The following PTPN5 variants were observed in gnomAD, a reference collection of about 807,000 sequenced individuals.
The protein encoded by PTPN5 is protein tyrosine phosphatase non-receptor type 5.
A neutral mutation model predicts 73.9 loss-of-function variants in PTPN5; 29 were observed. The ratio of observed to expected loss-of-function variants is 0.39; its 90% confidence interval spans 0.29 to 0.54. The LOEUF (loss-of-function observed/expected upper bound fraction) is 0.54, where lower values mean the gene tolerates loss of function less well. PTPN5 is among the 20% of genes least tolerant of loss of function. The pLI is 0.65. For synonymous variants in PTPN5, 267 were observed against 304.7 expected (o/e 0.88, Z 1.29); for missense variants, 652 against 751.4 (o/e 0.87, Z 1.55).
intron 2 of PTPN5, among the ~76,000 whole-genome samples, chr11:18,766,472 A>G (rs1850649959): frequency 6.6e-6 from 1 of 152,230 alleles, no homozygotes; most frequent in Admixed American, 6.5e-5. Context: ...CAGGCAGTGA[A>G]AAGTGGTATG....
At chr11:18,764,139 G>T (rs1352168863) in intron 3 of PTPN5, among the ~76,000 whole-genome samples, 1 of 152,124 alleles carries the variant, frequency 6.6e-6, no homozygotes, top group African/African-American at 2.4e-5. Context: ...CCTCTCCATT[G>T]TCTATCTATC....
At chr11:18,783,337 G>A (rs746153175) in intron 1 of PTPN5, among the ~76,000 whole-genome samples, 1 of 152,212 alleles carries the variant, frequency 6.6e-6, no homozygotes, top group East Asian at 1.9e-4. Context: ...AGGGCTGAAC[G>A]CTACTGCTGC....
intron 1 of PTPN5, among the ~76,000 whole-genome samples, chr11:18,783,377 G>A (rs1342352109): frequency 1.3e-5 from 2 of 152,308 alleles, no homozygotes; most frequent in African/African-American, 4.8e-5. Flanking sequence ...TTTACATCAT[G>A]GGCTAAAGAA....
chr11:18,730,713 G>C (rs1456865526), intron 12 of PTPN5: 1 of 152,580 alleles, frequency 6.6e-6, no homozygotes, highest in Non-Finnish European at 1.5e-5. Flanking sequence ...CTGGTCTATG[G>C]TATTTTGTTA....
Position 18,729,790 on chromosome 11 carries a change from T to C in PTPN5, c.1358A>G (p.His453Arg). The change falls in exon 13 of 15, where the codon CAT (histidine) becomes CGT (arginine). Residue 453 changes from histidine (H) to arginine (R), a missense_variant. Physicochemically the swap from His to Arg is conservative, Grantham distance 29 (BLOSUM62 0). Coordinates refer to ENST00000358540, the MANE Select transcript of PTPN5 (RefSeq NM_006906.2). The surrounding 1 kb of genome is among the most constrained non-coding windows in gnomAD (Gnocchi z 5.2). ...KSGTEERGLK[H>R]YWFTSWPDQK... ...GTCGGGCCAGGATGTGAACCAGTAA[T>C]GCTTCAGGCCTCGCTCCTCAGTCCC... 1 of 1,613,664 alleles carries C rather than the reference T, an allele frequency of 6.2e-7. No individual in the cohort carries two copies. The highest frequency in any genetic ancestry group is 8.5e-7 in the Non-Finnish European group (1 of 1,179,722).
chr11:18,746,184 TATATATATACA>T (rs1204268311), intron 3 of PTPN5, among the ~76,000 whole-genome samples: 18 of 115,698 alleles, frequency 1.6e-4, no homozygotes, highest in Non-Finnish European at 2.9e-4. Context: ...TATATATATA[TATATATATACA>T]TTTTTTTTTT....
intron 3 of PTPN5, among the ~76,000 whole-genome samples, chr11:18,752,374 G>A: frequency 6.6e-6 from 1 of 152,190 alleles, no homozygotes. Flanking sequence ...AAAGGGGAGA[G>A]TGAGGGAGAG....
intron 3 of PTPN5, among the ~76,000 whole-genome samples, chr11:18,763,020 A>G (rs1850469900): frequency 6.6e-6 from 1 of 152,238 alleles, no homozygotes; most frequent in Non-Finnish European, 1.5e-5. Flanking sequence ...GAGTGAATAC[A>G]TGCTGGACAT....
intron 1 of PTPN5, among the ~76,000 whole-genome samples, chr11:18,778,022 G>A (rs1031285186): frequency 6.6e-6 from 1 of 150,764 alleles, no homozygotes; most frequent in African/African-American, 2.5e-5. Context: ...AAGGAAGGAA[G>A]GAAGGGCCCT....
chr11:18,734,300 G>GT (rs1018002740), intron 9 of PTPN5, among the ~76,000 whole-genome samples: 3 of 151,842 alleles, frequency 2.0e-5, no homozygotes, highest in Admixed American at 6.6e-5. Flanking sequence ...ATGCAAAAAG[G>GT]TTTTTTTTCC....
intron 3 of PTPN5, among the ~76,000 whole-genome samples, chr11:18,764,879 A>AT (rs1407740382): frequency 6.6e-6 from 1 of 151,926 alleles, no homozygotes; most frequent in Non-Finnish European, 1.5e-5. Context: ...CGCCTGGCTA[A>AT]TTTTTTGTAT....
chr11:18,767,659 G>C (rs765555031), intron 2 of PTPN5, among the ~76,000 whole-genome samples: 47 of 152,222 alleles, frequency 3.1e-4, no homozygotes, highest in Non-Finnish European at 5.6e-4. Context: ...CCAGGCAATG[G>C]AAAGTGGCAT....
Position 18,742,500 on chromosome 11 carries a change from A to C in PTPN5, c.487T>G (p.Trp163Gly). 1 of 1,613,130 alleles carries C rather than the reference A, an allele frequency of 6.2e-7. No homozygotes were observed. The highest frequency in any genetic ancestry group is 8.5e-7 in the Non-Finnish European group (1 of 1,179,958). ...VGLVLVTTLV[W>G]HLLRTPPEPP... Reference sequence around the variant, plus strand: ...TCTGGGGGTGTCCTCAGGAGGTGCCACACCTGGTTGGGGTGTACAGCATCA... The same window carrying C: ...TCTGGGGGTGTCCTCAGGAGGTGCCCCACCTGGTTGGGGTGTACAGCATCA... Residue 163 changes from tryptophan to glycine, a missense_variant, in exon 7 of 15, where the codon TGG (tryptophan) becomes GGG (glycine). This residue lies in a region of PTPN5 where 529 missense variants were observed against 573.9 expected (regional missense o/e 0.92). Coordinates refer to ENST00000358540, the MANE Select transcript of PTPN5 (RefSeq NM_006906.2). This position sits in a 1 kb window ranked among gnomAD's most constrained non-coding sequence, Gnocchi z 4.1.
Position 18,781,323 on chromosome 11 carries a change from C to CATTTTTTTTTT in PTPN5, c.-113-9253_-113-9252insAAAAAAAAAAT, listed in dbSNP as rs774528335. ...AGATCAGACTGTCTTTTTTTGACCA[C>CATTTTTTTTTT]TTTTTTTTTTTTTTGAGATGGAGTC... is the stretch of plus-strand genomic sequence containing the variant. On this transcript the variant is annotated intron_variant, in intron 1 of 14. Transcript: ENST00000358540. 6.1e-5 allele frequency among the ~76,000 whole-genome samples: 7 copies of CATTTTTTTTTT among 114,426 alleles called. 1 individual carries two copies. Among genetic ancestry groups the CATTTTTTTTTT allele is most frequent in the Admixed American group, 1.1e-4 (1 of 9,002 alleles). The allele number at this position is 114,426 out of a possible 152,430, so 75.1% of individuals were successfully genotyped here.
At chr11:18,781,294 C>T (rs1851413119) in intron 1 of PTPN5, among the ~76,000 whole-genome samples, 1 of 149,818 alleles carries the variant, frequency 6.7e-6, no homozygotes, top group Non-Finnish European at 1.5e-5. Flanking sequence ...TCATCTGTAG[C>T]CAGAGATCAG....
rs2134181381 is a variant in PTPN5, at chr11:18,729,381, T to C, written c.1604+72A>G. On this transcript the variant is annotated intron_variant, in intron 14 of 14. Coordinates refer to ENST00000358540, the MANE Select transcript of PTPN5 (RefSeq NM_006906.2). This position sits in a 1 kb window ranked among gnomAD's most constrained non-coding sequence, Gnocchi z 5.2. ...GCCCCTCACCCCCCGCCCATGCACATGTGGGTCTCTCCCTCTACCCGCTCG... is the reference window on the plus strand; with the variant it reads ...GCCCCTCACCCCCCGCCCATGCACACGTGGGTCTCTCCCTCTACCCGCTCG... The C allele has an allele frequency of 1.3e-6, 1 of 763,708 alleles. No individual in the cohort carries two copies. Among genetic ancestry groups the C allele is most frequent in the Non-Finnish European group, 2.3e-6 (1 of 430,124 alleles). The allele number at this position is 763,708 out of a possible 1,614,324, so 47.3% of individuals were successfully genotyped here. A position where few individuals can be genotyped will look rare whatever the true frequency, so the allele number is the denominator to read the frequency against.
At chr11:18,734,340 A>G (rs1849022198) in intron 9 of PTPN5, among the ~76,000 whole-genome samples, 2 of 152,120 alleles carry the variant, frequency 1.3e-5, no homozygotes. Context: ...CAAATCCCAT[A>G]GTAAAAGGGT....
At chr11:18,763,123 G>A (rs1304817341) in intron 3 of PTPN5, among the ~76,000 whole-genome samples, 1 of 152,190 alleles carries the variant, frequency 6.6e-6, no homozygotes, top group Non-Finnish European at 1.5e-5. Flanking sequence ...CCCCTATCAG[G>A]ACAGCATCGT....
At chr11:18,751,206 G>C (rs1849873575) in intron 3 of PTPN5, among the ~76,000 whole-genome samples, 1 of 152,174 alleles carries the variant, frequency 6.6e-6, no homozygotes, top group Non-Finnish European at 1.5e-5. Flanking sequence ...CCTATTTTCT[G>C]CTACCTTTTG....
Sources: allele counts gnomAD v4.1 joint callset (sites outside exome capture counted in the v4.1 genomes callset), GRCh38; gene constraint gnomAD v4.1.1; regional missense constraint gnomAD v4.1.1; non-coding constraint Gnocchi (gnomAD v3.1); transcripts MANE v1.5; gene names NCBI Gene and HGNC (gene_info 2026-07-23, HGNC 2026-07-21).